The following RBFOX1 variants were observed in gnomAD, a reference collection of about 807,000 sequenced individuals.
RBFOX1 encodes the protein RNA binding fox-1 homolog 1.
A neutral mutation model predicts 57.7 loss-of-function variants in RBFOX1; 8 were observed. That is an observed-to-expected ratio of 0.14 (90% CI 0.08 to 0.25). RBFOX1 has a LOEUF of 0.25. RBFOX1 is among the 10% of genes least tolerant of loss of function. The pLI is 1.00. For missense variants in RBFOX1, 611 were observed against 548.5 expected (o/e 1.11, Z -1.14); for synonymous variants, 326 against 222.4 (o/e 1.47, Z -4.15).
intron 3 of RBFOX1, among the ~76,000 whole-genome samples, chr16:5,854,322 C>G (rs1412952304): frequency 6.6e-6 from 1 of 152,156 alleles, no homozygotes; most frequent in Admixed American, 6.5e-5. Context: ...GTGTTTTGAC[C>G]AACATCTCCC....
intron 4 of RBFOX1, among the ~76,000 whole-genome samples, chr16:7,513,209 G>A (rs887085279): frequency 6.6e-6 from 1 of 152,102 alleles, no homozygotes; most frequent in African/African-American, 2.4e-5. Context: ...GTTGCAGTGA[G>A]CCGAGAGCCT....
intron 2 of RBFOX1, among the ~76,000 whole-genome samples, chr16:6,429,338 C>A (rs1481575798): frequency 2.6e-5 from 4 of 152,236 alleles, no homozygotes; most frequent in Non-Finnish European, 4.4e-5. Flanking sequence ...TGCAGGGTTT[C>A]TTGTTGACCC....
At chr16:5,552,775 A>C (rs536164562) in intron 2 of RBFOX1, among the ~76,000 whole-genome samples, 12 of 152,274 alleles carry the variant, frequency 7.9e-5, no homozygotes, top group South Asian at 2.1e-4. Flanking sequence ...TCACAGTCAG[A>C]TAATGAAGTC....
intron 4 of RBFOX1, among the ~76,000 whole-genome samples, chr16:5,925,772 C>G (rs1349012626): frequency 6.6e-6 from 1 of 152,154 alleles, no homozygotes; most frequent in African/African-American, 2.4e-5. Flanking sequence ...TCTCTCAGGT[C>G]TCTTCCACCC....
At chr16:7,370,773 T>A (rs1247409887) in intron 4 of RBFOX1, among the ~76,000 whole-genome samples, 2 of 152,260 alleles carry the variant, frequency 1.3e-5, no homozygotes, top group Non-Finnish European at 2.9e-5. Context: ...TTCTGAACAT[T>A]CATGCATATT....
At chr16:6,351,308 A>T (rs998535415) in intron 2 of RBFOX1, among the ~76,000 whole-genome samples, 24 of 146,392 alleles carry the variant, frequency 1.6e-4, no homozygotes, top group African/African-American at 4.2e-4. Context: ...GTATACATAA[A>T]ATATATATAT....
intron 3 of RBFOX1, among the ~76,000 whole-genome samples, chr16:6,965,818 T>A (rs2153558586): frequency 6.6e-6 from 1 of 152,288 alleles, no homozygotes; most frequent in African/African-American, 2.4e-5. Context: ...TCTTTTAATC[T>A]GTACTGAAAT....
chr16:5,927,049 C>G (rs1219360069), intron 4 of RBFOX1, among the ~76,000 whole-genome samples: 2 of 152,148 alleles, frequency 1.3e-5, no homozygotes, highest in Non-Finnish European at 2.9e-5. Flanking sequence ...GTTTCAAATA[C>G]CAGAATGATT....
At chr16:7,627,054 T>A (rs1179507503) in intron 10 of RBFOX1, among the ~76,000 whole-genome samples, 1 of 151,178 alleles carries the variant, frequency 6.6e-6, no homozygotes, top group Non-Finnish European at 1.5e-5. Context: ...AATTCACCCC[T>A]GAGGACAAGG....
chr16:6,772,364 G>T (rs562397234), intron 3 of RBFOX1, among the ~76,000 whole-genome samples: 2 of 152,306 alleles, frequency 1.3e-5, no homozygotes, highest in East Asian at 3.9e-4. Context: ...ATGCAGCAAT[G>T]CAGCTGTCTG....
chr16:6,713,338 G>T (rs1280309968), intron 3 of RBFOX1, among the ~76,000 whole-genome samples: 1 of 152,038 alleles, frequency 6.6e-6, no homozygotes, highest in Non-Finnish European at 1.5e-5. Context: ...CGGGAGTCTT[G>T]ATGACCAAGT....
chr16:7,570,327 G>C (rs1173544005), intron 5 of RBFOX1, among the ~76,000 whole-genome samples: 1 of 152,098 alleles, frequency 6.6e-6, no homozygotes, highest in Non-Finnish European at 1.5e-5. Context: ...CCATCAAATA[G>C]AATTTGCTAC....
At chr16:5,653,407 G>T (rs1282814435) in intron 3 of RBFOX1, among the ~76,000 whole-genome samples, 1 of 151,196 alleles carries the variant, frequency 6.6e-6, no homozygotes, top group Non-Finnish European at 1.5e-5. Flanking sequence ...GCTGAGCCGT[G>T]TGCTGGGTTT....
chr16:6,841,974 T>A (rs1204882585), intron 3 of RBFOX1, among the ~76,000 whole-genome samples: 1 of 147,646 alleles, frequency 6.8e-6, no homozygotes. Context: ...CCGTCTCTAT[T>A]AAAAAAAAAA....
At chr16:6,952,797 G>T (rs1385574300) in intron 3 of RBFOX1, among the ~76,000 whole-genome samples, 1 of 152,080 alleles carries the variant, frequency 6.6e-6, no homozygotes, top group Non-Finnish European at 1.5e-5. Context: ...CCAACATGGT[G>T]AAACCCCATC....
At chr16:6,316,427 T>C (rs1483110905) in intron 1 of RBFOX1, among the ~76,000 whole-genome samples, 5 of 152,204 alleles carry the variant, frequency 3.3e-5, no homozygotes, top group South Asian at 2.1e-4. Context: ...ATTCTACTCA[T>C]TGCAAAATTA....
At chr16:7,596,329 G>A (rs2094700256) in intron 8 of RBFOX1, among the ~76,000 whole-genome samples, 1 of 151,600 alleles carries the variant, frequency 6.6e-6, no homozygotes, top group East Asian at 1.9e-4. Context: ...GTCCCACTGG[G>A]ATCTCCCGCA....
chr16:7,325,815 G>T (rs1027285771), intron 4 of RBFOX1, among the ~76,000 whole-genome samples: 9 of 152,180 alleles, frequency 5.9e-5, no homozygotes, highest in African/African-American at 2.2e-4. Flanking sequence ...TCATTTGTTA[G>T]TCCTTGGTAT....
At chr16:7,368,688 G>A (rs1436268605) in intron 4 of RBFOX1, among the ~76,000 whole-genome samples, 3 of 151,596 alleles carry the variant, frequency 2.0e-5, no homozygotes, top group East Asian at 2.0e-4. Context: ...GCTGAGGCAG[G>A]AGCATGGCGT....
Sources: gnomAD v4.1 joint callset for allele counts (sites outside exome capture counted in the v4.1 genomes callset) on GRCh38, gnomAD v4.1.1 for gene constraint, MANE v1.5 for transcripts, NCBI Gene and HGNC (gene_info 2026-07-23, HGNC 2026-07-21) for gene names.